FYB2: variants seen among roughly 807,000 people sequenced by gnomAD.
FYB2 encodes FYN-binding protein 2.
Under a neutral mutation model 94.1 loss-of-function variants are expected in FYB2, and 103 were observed. The ratio of observed to expected loss-of-function variants is 1.09; its 90% CI spans 0.93 to 1.29. The LOEUF is 1.29. Among genes scored for constraint, FYB2 ranks in the 50% most tolerant of loss-of-function variants. The pLI, the probability that FYB2 is intolerant of heterozygous loss-of-function variation, is 0.00. For synonymous variants in FYB2, 293 were observed against 287.9 expected (o/e 1.02, Z -0.18); for missense variants, 896 against 841.5 (o/e 1.06, Z -0.80).
chr1:56,774,674 T>G (rs938452242), intron 4 of FYB2, among the ~76,000 whole-genome samples: 12 of 152,150 alleles, frequency 7.9e-5, no homozygotes, highest in African/African-American at 2.4e-4. Flanking sequence ...TAATATTGAG[T>G]GTCGACTTGA....
intron 5 of FYB2, among the ~76,000 whole-genome samples, chr1:56,766,689 G>A (rs996614164): frequency 2.0e-5 from 3 of 152,038 alleles, no homozygotes; most frequent in Admixed American, 6.6e-5. Flanking sequence ...CGCCCATCTC[G>A]GCCTCCCAAA....
At chr1:56,738,999 C>G (rs994088240) in intron 13 of FYB2, among the ~76,000 whole-genome samples, 1 of 151,956 alleles carries the variant, frequency 6.6e-6, no homozygotes, top group African/African-American at 2.4e-5. Context: ...ATGAGAATGT[C>G]ATGTTCAAAG....
chr1:56,742,328 TTTC>T, intron 11 of FYB2, 107 bp from the exon 12 acceptor site: 1 of 766,412 alleles, frequency 1.3e-6, no homozygotes, highest in South Asian at 2.3e-5. Context: ...TACTTTGATC[TTTC>T]TTTTGTTAAA....
chr1:56,768,397 C>T lies in FYB2; in HGVS notation c.954-459G>A, dbSNP rs144966610. 1.7e-4 allele frequency among the ~76,000 whole-genome samples: 26 copies of T among 152,328 alleles called. No homozygotes were observed. The East Asian group carries it at 4.8e-3, about 28-fold the overall frequency. ...GCATCAAGTCCAGAGTTACAATATG[C>T]TGTTCCATCTGTAAAACGAGTACTA... On this transcript the variant is annotated intron_variant, in intron 4 of 19. Transcript: ENST00000343433.
intron 1 of FYB2, among the ~76,000 whole-genome samples, chr1:56,800,499 T>C (rs139983250): frequency 6.6e-6 from 1 of 152,004 alleles, no homozygotes; most frequent in Non-Finnish European, 1.5e-5. Context: ...ATTAATTAAA[T>C]AAAATAAAAT....
chr1:56,818,819 C>T (rs1053600291), intron 1 of FYB2, among the ~76,000 whole-genome samples: 2 of 152,038 alleles, frequency 1.3e-5, no homozygotes, highest in East Asian at 1.9e-4. Flanking sequence ...GAGCAGAACC[C>T]GGTCTAGAGC....
At chr1:56,781,456 TA>T (rs1336970088) in intron 4 of FYB2, among the ~76,000 whole-genome samples, 1 of 152,210 alleles carries the variant, frequency 6.6e-6, no homozygotes, top group Non-Finnish European at 1.5e-5. Flanking sequence ...CGTGTTAAGT[TA>T]CTTAACTTCT....
intron 1 of FYB2, among the ~76,000 whole-genome samples, chr1:56,809,221 G>A (rs1482885947): frequency 2.0e-5 from 3 of 152,218 alleles, no homozygotes; most frequent in African/African-American, 7.2e-5. Flanking sequence ...GGTCTACAGA[G>A]ATCATTCGTT....
At chr1:56,803,330 A>G (rs569915617) in intron 1 of FYB2, among the ~76,000 whole-genome samples, 28 of 152,332 alleles carry the variant, frequency 1.8e-4, no homozygotes, top group Middle Eastern at 3.4e-3. Flanking sequence ...ATGAAAAATT[A>G]GTGGGTTTCA....
intron 14 of FYB2, among the ~76,000 whole-genome samples, chr1:56,738,378 T>G (rs1450876654): frequency 6.6e-6 from 1 of 152,116 alleles, no homozygotes; most frequent in African/African-American, 2.4e-5. Context: ...ATGATAACAT[T>G]TATTTTTCTG....
At chr1:56,801,673 T>C (rs951493834) in intron 1 of FYB2, among the ~76,000 whole-genome samples, 13 of 152,220 alleles carry the variant, frequency 8.5e-5, no homozygotes, top group African/African-American at 3.1e-4. Flanking sequence ...TTGCCTTTTC[T>C]GGTGCCCCAA....
Position 56,767,869 on chromosome 1 carries a change from G to A in FYB2, c.1023C>T (p.Gly341=). ...TTGCAGTGCACAGGTTAATGGAGTT[G>A]CCAGAGTGTCTCAGATATGAAATTG... ...EATISYLRHS[G]NSINLCTAKE... The change falls in exon 5 of 20, where the codon GGC becomes GGT. Residue 341 remains glycine (G), a synonymous_variant. Transcript: ENST00000343433. 1 of 1,612,458 alleles carries A rather than the reference G, an allele frequency of 6.2e-7. No homozygotes were observed. Among genetic ancestry groups the A allele is most frequent in the African/African-American group, 1.3e-5 (1 of 74,950 alleles).
upstream of FYB2, chr1:56,823,597 A>G (rs1173400776): frequency 1.3e-5 from 2 of 152,202 alleles, no homozygotes; most frequent in Non-Finnish European, 2.9e-5. Flanking sequence ...TGCTCATCTA[A>G]GTAAACATCT....
chr1:56,728,641 G>T (rs186723539), intron 15 of FYB2, among the ~76,000 whole-genome samples: 1 of 152,112 alleles, frequency 6.6e-6, no homozygotes, highest in Non-Finnish European at 1.5e-5. Context: ...ACATGGCAAA[G>T]TGTGTTACAG....
chr1:56,726,783 C>T (rs1386695375), intron 15 of FYB2, among the ~76,000 whole-genome samples, 200 bp from the exon 16 acceptor site: 1 of 152,074 alleles, frequency 6.6e-6, no homozygotes, highest in Non-Finnish European at 1.5e-5. Context: ...CTCTTCAACT[C>T]TACTGTTGCA....
At chr1:56,770,914 G>C (rs1483273497) in intron 4 of FYB2, among the ~76,000 whole-genome samples, 2 of 152,086 alleles carry the variant, frequency 1.3e-5, no homozygotes, top group East Asian at 3.8e-4. Context: ...TGGAAATCAA[G>C]ATAACGAAAA....
intron 16 of FYB2, among the ~76,000 whole-genome samples, chr1:56,724,288 G>A (rs1275254212): frequency 6.6e-6 from 1 of 152,020 alleles, no homozygotes; most frequent in East Asian, 1.9e-4. Flanking sequence ...GCCACAAAAC[G>A]TGTGAGAATT....
intron 1 of FYB2, among the ~76,000 whole-genome samples, chr1:56,810,718 G>C (rs1646748845): frequency 6.6e-6 from 1 of 152,156 alleles, no homozygotes; most frequent in Non-Finnish European, 1.5e-5. Context: ...TAATTGAAGG[G>C]CAAAATGCAT....
chr1:56,758,787 G>A, intron 5 of FYB2, 37 bp from the exon 6 acceptor site: 1 of 1,524,686 alleles, frequency 6.6e-7, no homozygotes, highest in South Asian at 1.2e-5. Flanking sequence ...CAAGGCAGCT[G>A]ATCCACCCAT....
Sources: gnomAD v4.1 joint callset for allele counts (sites outside exome capture counted in the v4.1 genomes callset) on GRCh38, gnomAD v4.1.1 for gene constraint, MANE v1.5 for transcripts, NCBI Gene and HGNC (gene_info 2026-07-23, HGNC 2026-07-21) for gene names.